GNL1: variants seen among roughly 807,000 people sequenced by gnomAD.
GNL1 encodes G protein nucleolar 1.
GNL1 carries 21 observed loss-of-function variants against 75.2 expected under a neutral mutation model. The observed-to-expected ratio is 0.28, with a 90% confidence interval of 0.20 to 0.40. The LOEUF is 0.40. GNL1 is among the 10% of genes least tolerant of loss of function. The probability of loss-of-function intolerance (pLI) is 1.00; values close to 1 mark genes in which losing one functional copy is unlikely to be tolerated. For synonymous variants in GNL1, 287 were observed against 303.4 expected (o/e 0.95, Z 0.56); for missense variants, 579 against 775.0 (o/e 0.75, Z 3.00).
chr6:30,556,305 G>C lies in GNL1; in HGVS notation c.-102C>G. 1.5e-6 allele frequency: 2 copies of C among 1,379,266 alleles called. No homozygotes were observed. Among genetic ancestry groups the C allele is most frequent in the Non-Finnish European group, 2.0e-6 (2 of 990,232 alleles). The allele number at this position is 1,379,266 out of a possible 1,614,324, so 85.4% of individuals were successfully genotyped here. On this transcript the variant is annotated 5_prime_UTR_variant, in exon 1 of 12. Coordinates refer to ENST00000376621, the MANE Select transcript of GNL1 (RefSeq NM_005275.5). The surrounding 1 kb of genome is among the most constrained non-coding windows in gnomAD (Gnocchi z 5.7). Reference sequence around the variant, plus strand: ...GCCGCAGGGGCCCGGGACCCTAGAGGAGGCGGGGCTAGCAGGTGACGTCAG... The same window carrying C: ...GCCGCAGGGGCCCGGGACCCTAGAGCAGGCGGGGCTAGCAGGTGACGTCAG...
chr6:30,555,984 G>T lies in GNL1; in HGVS notation c.73+147C>A. 3.0e-6 allele frequency: 3 copies of T among 1,015,106 alleles called. No individual in the cohort carries two copies. The highest frequency in any genetic ancestry group is 2.9e-6 in the Non-Finnish European group (2 of 681,374). The allele number at this position is 1,015,106 out of a possible 1,614,324, so 62.9% of individuals were successfully genotyped here. On this transcript the variant is annotated intron_variant, in intron 1 of 11. Transcript: ENST00000376621. The surrounding 1 kb of genome is among the most constrained non-coding windows in gnomAD (Gnocchi z 4.3). ...CCCACCCCTTCCAGATGTAGGGGGG[G>T]TGGGGGATCCCCTCCGCGATAGGCC...
Position 30,555,039 on chromosome 6 carries a change from T to C in GNL1, c.376+16A>G. ...AACTCCTTCCCCAGCCCAATGCCTG[T>C]CTTGCTCTCACTCACCTGAGCCAGG... On this transcript the variant is annotated intron_variant, in intron 3 of 11. Transcript: ENST00000376621. This position sits in a 1 kb window ranked among gnomAD's most constrained non-coding sequence, Gnocchi z 4.3. 6.2e-7 allele frequency: 1 copy of C among 1,612,938 alleles called. No homozygotes were observed. Among genetic ancestry groups the C allele is most frequent in the Non-Finnish European group, 8.5e-7 (1 of 1,179,980 alleles).
chr6:30,556,423 G>A lies in GNL1; in HGVS notation c.-220C>T. 1 of 599,406 alleles carries A rather than the reference G, an allele frequency of 1.7e-6. No individual in the cohort carries two copies. The highest frequency in any genetic ancestry group is 2.9e-5 in the East Asian group (1 of 34,946). The allele number at this position is 599,406 out of a possible 1,614,324, so 37.1% of individuals were successfully genotyped here. A position where few individuals can be genotyped will look rare whatever the true frequency, so the allele number is the denominator to read the frequency against. ...CCCTCCAGGAGCGAGGCGAGAGGATGATGCGGGGTGGGCTACTGGCACGTG... is the reference window on the plus strand; with the variant it reads ...CCCTCCAGGAGCGAGGCGAGAGGATAATGCGGGGTGGGCTACTGGCACGTG... On this transcript the variant is annotated 5_prime_UTR_variant, in exon 1 of 12. Coordinates refer to ENST00000376621, the MANE Select transcript of GNL1 (RefSeq NM_005275.5). This position sits in a 1 kb window ranked among gnomAD's most constrained non-coding sequence, Gnocchi z 5.7.
intron 8 of GNL1, among the ~76,000 whole-genome samples, chr6:30,549,365 C>G (rs551097168): frequency 1.3e-5 from 2 of 152,308 alleles, no homozygotes; most frequent in South Asian, 2.1e-4. Context: ...TTAAGGAAAT[C>G]AACTCCTTAC....
At chr6:30,550,712 C>T (rs1261467617) in intron 8 of GNL1, among the ~76,000 whole-genome samples, 1 of 152,188 alleles carries the variant, frequency 6.6e-6, no homozygotes, top group Non-Finnish European at 1.5e-5. Flanking sequence ...TCCAAAATGG[C>T]TGTCACAGCC....
chr6:30,545,446 G>A lies in GNL1; in HGVS notation c.*626C>T, dbSNP rs1799392500. ...TCTTAATCCAAAAACTTGGGTGCCT[G>A]AAGGTGGGGTTTTGATCATGGCCAG... On this transcript the variant is annotated 3_prime_UTR_variant, in exon 12 of 12. Coordinates refer to ENST00000376621, the MANE Select transcript of GNL1 (RefSeq NM_005275.5). 6.6e-6 allele frequency: 1 copy of A among 152,220 alleles called. No individual in the cohort carries two copies. The highest frequency in any genetic ancestry group is 1.5e-5 in the Non-Finnish European group (1 of 68,046). The allele number at this position is 152,220 out of a possible 1,614,324, so 9.4% of individuals were successfully genotyped here. A position where few individuals can be genotyped will look rare whatever the true frequency, so the allele number is the denominator to read the frequency against.
intron 6 of GNL1, 80 bp downstream of exon 6, chr6:30,553,270 G>T: frequency 6.9e-7 from 1 of 1,456,862 alleles, no homozygotes; most frequent in Non-Finnish European, 9.6e-7. Flanking sequence ...GTGCCCCCTT[G>T]TCAATAAGCC....
rs1467951108 is a variant in GNL1 at position 30,552,559 on chromosome 6, A to C, written c.1007T>G (p.Val336Gly). ...TGAATCAGTCTGCTGCTCCACCAGGACTGCTGGGCCATCCTCCTCTTCCTC... is the reference window on the plus strand; with the variant it reads ...TGAATCAGTCTGCTGCTCCACCAGGCCTGCTGGGCCATCCTCCTCTTCCTC... ...EEEEEEDGPA[V>G]LVEQQTDSAM... Residue 336 changes from valine to glycine, a missense_variant, in exon 8 of 12, where the codon GTC (valine) becomes GGC (glycine). Physicochemically the swap from Val to Gly is moderately radical, Grantham distance 109. Coordinates refer to ENST00000376621, the MANE Select transcript of GNL1 (RefSeq NM_005275.5). This position sits in a 1 kb window ranked among gnomAD's most constrained non-coding sequence, Gnocchi z 4.5. The C allele has an allele frequency of 6.2e-7, 1 of 1,614,000 alleles. No homozygotes were observed. Among genetic ancestry groups the C allele is most frequent in the African/African-American group, 1.3e-5 (1 of 75,002 alleles).
In GNL1 at chr6:30,555,665, C is replaced by A; in HGVS notation, c.129G>T (p.Arg43=). The A allele has an allele frequency of 6.2e-7, 1 of 1,614,042 alleles. No homozygotes were observed. The highest frequency in any genetic ancestry group is 2.2e-5 in the East Asian group (1 of 44,882). Residue 43 remains arginine (R), a synonymous_variant, in exon 2 of 12, where the codon CGG becomes CGT. Coordinates refer to ENST00000376621, the MANE Select transcript of GNL1 (RefSeq NM_005275.5). This position sits in a 1 kb window ranked among gnomAD's most constrained non-coding sequence, Gnocchi z 4.3. ...CCGAGGTGTCGGTCTGTTCCTCTCG[C>A]CGCTCCCGGCTCCCGCTGCGGCTGT... ...SSNSRSGSRE[R]REEQTDTSDG...
intron 8 of GNL1, among the ~76,000 whole-genome samples, chr6:30,550,610 C>T (rs1799716410): frequency 6.6e-6 from 1 of 152,162 alleles, no homozygotes; most frequent in African/African-American, 2.4e-5. Context: ...TTATTCTCTA[C>T]TCAGGAGGTA....
At position 30,556,131 on chromosome 6, in the gene GNL1, C is replaced by T; in HGVS notation, c.73G>A (p.Gly25Arg). 2.5e-6 allele frequency: 4 copies of T among 1,601,948 alleles called. No individual in the cohort carries two copies. The highest frequency in any genetic ancestry group is 1.3e-5 in the African/African-American group (1 of 75,018). Residue 25 changes from glycine to arginine, a missense_variant and splice_region_variant, in exon 1 of 12, where the codon GGG becomes AGG. Gly to Arg is a moderately radical substitution (Grantham distance 125, BLOSUM62 -2). Coordinates refer to ENST00000376621, the MANE Select transcript of GNL1 (RefSeq NM_005275.5). This position sits in a 1 kb window ranked among gnomAD's most constrained non-coding sequence, Gnocchi z 5.7. ...CCCCTCCTCCCGCTCCCGCACTGAC[C>T]TCTCTTCCGCTCCCGTTTGTCCTGC... is the stretch of plus-strand genomic sequence containing the variant. ...QLQDKRERKR[G>R]LQDGLRSSSN...
chr6:30,553,539 C>T lies in GNL1; in HGVS notation c.619G>A (p.Ala207Thr). ...TCTCCAGTCACATACTCATAAAGTG[C>T]TGGCGGGAAATTCACAACCTAGGAC... ...IRHPVVNFPP[A>T]LYEYVTGELG... is the part of the protein sequence containing the mutation. The change falls in exon 6 of 12, where the codon GCA becomes ACA. Residue 207 changes from alanine (A) to threonine (T), a missense_variant. Transcript: ENST00000376621. 6.2e-7 allele frequency: 1 copy of T among 1,612,562 alleles called. No individual in the cohort carries two copies.
Position 30,555,482 on chromosome 6 carries a change from G to C in GNL1, c.239+73C>G. On this transcript the variant is annotated intron_variant, in intron 2 of 11. Coordinates refer to ENST00000376621, the MANE Select transcript of GNL1 (RefSeq NM_005275.5). This position sits in a 1 kb window ranked among gnomAD's most constrained non-coding sequence, Gnocchi z 4.3. ...AGGCCCACCGTCTTCACCAGTAGCA[G>C]CCCGCTTTCCCCCAAAGCTCTGACT... 2.1e-6 allele frequency: 3 copies of C among 1,441,086 alleles called. No homozygotes were observed. The highest frequency in any genetic ancestry group is 2.9e-6 in the Non-Finnish European group (3 of 1,047,178). 89.3% of individuals were successfully genotyped at this position (1,441,086 alleles called of 1,614,324 possible). A position where few individuals can be genotyped will look rare whatever the true frequency, so the allele number is the denominator to read the frequency against.
chr6:30,549,616 C>G (rs1799649252), intron 8 of GNL1, among the ~76,000 whole-genome samples: 1 of 152,166 alleles, frequency 6.6e-6, no homozygotes, highest in Non-Finnish European at 1.5e-5. Context: ...TCTGTTCTCT[C>G]ATTTGGCCTG....
At position 30,541,553 on chromosome 6, in the gene GNL1, T is replaced by C. The variant is rs1371562183; in HGVS notation, c.*4519A>G. The C allele has an allele frequency of 1.3e-5, 2 of 152,164 alleles. No individual in the cohort carries two copies. Among genetic ancestry groups the C allele is most frequent in the Non-Finnish European group, 2.9e-5 (2 of 68,024 alleles). The allele number at this position is 152,164 out of a possible 1,614,324, so 9.4% of individuals were successfully genotyped here. On this transcript the variant is annotated 3_prime_UTR_variant, in exon 12 of 12. Transcript: ENST00000376621. ...AGCAACTCCATGATTCCAAGGTAAT[T>C]TAAACAGGCAATTTCAGAGTGCTTC...
Position 30,555,986 on chromosome 6 carries a change from G to T in GNL1, c.73+145C>A. 9.8e-7 allele frequency: 1 copy of T among 1,022,764 alleles called. No homozygotes were observed. The highest frequency in any genetic ancestry group is 1.5e-5 in the South Asian group (1 of 68,964). The allele number at this position is 1,022,764 out of a possible 1,614,324, so 63.4% of individuals were successfully genotyped here. A position where few individuals can be genotyped will look rare whatever the true frequency, so the allele number is the denominator to read the frequency against. On this transcript the variant is annotated intron_variant, in intron 1 of 11. Transcript: ENST00000376621. The surrounding 1 kb of genome is among the most constrained non-coding windows in gnomAD (Gnocchi z 4.3). ...CACCCCTTCCAGATGTAGGGGGGGT[G>T]GGGGATCCCCTCCGCGATAGGCCGC...
rs1357206326 is a variant in GNL1, at chr6:30,543,900, A to C, written c.*2172T>G. ...AGAGAAGCCCTGATTTCTCTCCATC[A>C]AGAGACTAGCCAGCTATGGAAGCCA... On this transcript the variant is annotated 3_prime_UTR_variant, in exon 12 of 12. Transcript: ENST00000376621. 6.6e-6 allele frequency: 1 copy of C among 152,188 alleles called. No individual in the cohort carries two copies. The highest frequency in any genetic ancestry group is 1.9e-4 in the East Asian group (1 of 5,198). 9.4% of individuals were successfully genotyped at this position (152,188 alleles called of 1,614,324 possible).
In GNL1 at chr6:30,547,612, G is replaced by T; in HGVS notation, c.1100-82C>A. On this transcript the variant is annotated intron_variant, in intron 8 of 11. Coordinates refer to ENST00000376621, the MANE Select transcript of GNL1 (RefSeq NM_005275.5). This position sits in a 1 kb window ranked among gnomAD's most constrained non-coding sequence, Gnocchi z 5.5. ...GGTGCTATACCTATAGGTAAAAGGGGAACTAAGGCTCAGAAATTAAGGAAA... is the reference window on the plus strand; with the variant it reads ...GGTGCTATACCTATAGGTAAAAGGGTAACTAAGGCTCAGAAATTAAGGAAA... The T allele has an allele frequency of 1.7e-6, 2 of 1,147,702 alleles. No homozygotes were observed. Among genetic ancestry groups the T allele is most frequent in the Non-Finnish European group, 2.6e-6 (2 of 782,414 alleles). The allele number at this position is 1,147,702 out of a possible 1,614,324, so 71.1% of individuals were successfully genotyped here.
At chr6:30,553,254 G>C in intron 6 of GNL1, 75 bp from the exon 7 acceptor site, 1 of 1,438,430 alleles carries the variant, frequency 7.0e-7, no homozygotes, top group Non-Finnish European at 9.8e-7. Flanking sequence ...TTAGGCCCAA[G>C]ACCAGGTGCC....
Sources: gnomAD v4.1 joint callset for allele counts (sites outside exome capture counted in the v4.1 genomes callset) on GRCh38, gnomAD v4.1.1 for gene constraint, Gnocchi (gnomAD v3.1) non-coding constraint, MANE v1.5 for transcripts, NCBI Gene and HGNC (gene_info 2026-07-23, HGNC 2026-07-21) for gene names.